PLAC1: variants seen among roughly 807,000 people sequenced by gnomAD.
PLAC1 encodes the protein placenta associated 1, also known as placenta-specific protein 1.
For missense variants in PLAC1, 136 were observed against 163.2 expected, an observed-to-expected ratio of 0.83 and a Z score of 0.91; for synonymous variants, 68 against 62.1, an observed-to-expected ratio of 1.09 and a Z score of -0.44.
At chrX:134,574,090 TCACA>T (rs368393395) in intron 2 of PLAC1, among the ~76,000 whole-genome samples, 26 of 104,297 alleles carry the variant, frequency 2.5e-4, no homozygotes, top group Middle Eastern at 4.8e-3. Flanking sequence ...TCTCTCTCTC[TCACA>T]CACACACACA....
chrX:134,672,314 G>A (rs1421397136), intron 2 of PLAC1, among the ~76,000 whole-genome samples: 1 of 111,059 alleles, frequency 9.0e-6, no homozygotes, highest in Non-Finnish European at 1.9e-5. Flanking sequence ...AACATCCTTT[G>A]TGGGGAATGC....
intron 1 of PLAC1, among the ~76,000 whole-genome samples, chrX:134,745,516 G>A (rs774144827): frequency 5.4e-5 from 6 of 111,849 alleles, no homozygotes; most frequent in South Asian, 3.8e-4. Flanking sequence ...CATCTTAAGC[G>A]TAGGAGATCT....
At chrX:134,672,011 C>A (rs142889628) in intron 2 of PLAC1, among the ~76,000 whole-genome samples, 1 of 111,334 alleles carries the variant, frequency 9.0e-6, no homozygotes, top group Non-Finnish European at 1.9e-5. Context: ...AATGGAAACC[C>A]CAGGAGGGCA....
chrX:134,697,865 C>A (rs1233875073), intron 2 of PLAC1, among the ~76,000 whole-genome samples: 2 of 110,908 alleles, frequency 1.8e-5, no homozygotes, highest in African/African-American at 6.6e-5. Context: ...GAGACTCTAT[C>A]TAAAAAAAGA....
intron 1 of PLAC1, among the ~76,000 whole-genome samples, chrX:134,648,143 G>A (rs1379515751): frequency 1.8e-5 from 2 of 110,753 alleles, no homozygotes; most frequent in African/African-American, 3.3e-5. Flanking sequence ...CTGGAGTCAT[G>A]TGTTGAAGAG....
intron 2 of PLAC1, among the ~76,000 whole-genome samples, chrX:134,591,340 A>C (rs1160526504): frequency 8.9e-6 from 1 of 112,420 alleles, no homozygotes; most frequent in African/African-American, 3.2e-5. Context: ...CACTGCTACA[A>C]AATTGAAATC....
intron 1 of PLAC1, among the ~76,000 whole-genome samples, chrX:134,757,626 T>G (rs2078760312): frequency 9.0e-6 from 1 of 111,717 alleles, no homozygotes; most frequent in Non-Finnish European, 1.9e-5. Flanking sequence ...AATTTGAATA[T>G]GGGCTATGAA....
intron 2 of PLAC1, among the ~76,000 whole-genome samples, chrX:134,590,216 T>TA (rs754519656): frequency 9.3e-5 from 10 of 107,174 alleles, no homozygotes; most frequent in African/African-American, 1.7e-4. Flanking sequence ...AATAAATAAA[T>TA]AATAAATAAA....
intron 1 of PLAC1, among the ~76,000 whole-genome samples, chrX:134,626,121 G>A (rs1199556909): frequency 9.0e-6 from 1 of 111,670 alleles, no homozygotes; most frequent in Non-Finnish European, 1.9e-5. Flanking sequence ...TTTCACACAC[G>A]TTCCCTTCAG....
chrX:134,730,398 A>G (rs2078685368), intron 2 of PLAC1, among the ~76,000 whole-genome samples: 1 of 111,452 alleles, frequency 9.0e-6, no homozygotes, highest in Non-Finnish European at 1.9e-5. Context: ...TTGTCTATTT[A>G]CCACAGAATT....
intron 2 of PLAC1, among the ~76,000 whole-genome samples, chrX:134,729,061 C>G (rs2078681530): frequency 1.8e-5 from 2 of 111,631 alleles, no homozygotes; most frequent in African/African-American, 6.5e-5. Context: ...GGAGGAAACT[C>G]AAAACATCCT....
At chrX:134,621,554 G>A (rs2078211255) in intron 1 of PLAC1, among the ~76,000 whole-genome samples, 1 of 110,524 alleles carries the variant, frequency 9.0e-6, no homozygotes, top group African/African-American at 3.3e-5. Context: ...GGGTGAGGCA[G>A]GCCTCTTGGA....
intron 2 of PLAC1, among the ~76,000 whole-genome samples, chrX:134,705,179 G>A (rs1602925089): frequency 1.9e-5 from 2 of 106,609 alleles, no homozygotes; most frequent in East Asian, 2.9e-4. Context: ...CCAGCACTTT[G>A]GGAGGCCGAG....
intron 2 of PLAC1, among the ~76,000 whole-genome samples, chrX:134,585,260 C>T (rs1474622067): frequency 1.9e-5 from 2 of 106,919 alleles, no homozygotes; most frequent in South Asian, 4.2e-4. Flanking sequence ...GCAGGAGAAT[C>T]GCTTGAACCC....
intron 1 of PLAC1, among the ~76,000 whole-genome samples, chrX:134,759,156 C>CT (rs937431701): frequency 4.0e-3 from 416 of 103,326 alleles, no homozygotes; most frequent in African/African-American, 8.7e-3. Flanking sequence ...AAAAGGAACT[C>CT]TTTTTTTTTT....
Position 134,761,288 on chromosome X carries a change from A to G in PLAC1, n.89+2946T>C, listed in dbSNP as rs181404978. Among the ~76,000 whole-genome samples, 9 of 112,037 alleles carry G rather than the reference A, an allele frequency of 8.0e-5. No individual in the cohort carries two copies. The East Asian group carries it at 2.5e-3, about 31-fold the overall frequency. ...ATTGCTCTGGGGGAAAGGAGCTATG[A>G]CAGCTAGGGGATGAAAGTGGGAGGC... On this transcript the variant is annotated intron_variant and non_coding_transcript_variant, in intron 1 of 2. Transcript: ENST00000466797.
intron 1 of PLAC1, among the ~76,000 whole-genome samples, chrX:134,638,695 C>G (rs1208888949): frequency 9.0e-6 from 1 of 110,568 alleles, no homozygotes; most frequent in East Asian, 2.8e-4. Context: ...TTCTTTGGTC[C>G]TGCTCTTACT....
At chrX:134,639,992 G>A (rs2078300837) in intron 1 of PLAC1, among the ~76,000 whole-genome samples, 2 of 111,675 alleles carry the variant, frequency 1.8e-5, no homozygotes, top group Non-Finnish European at 3.8e-5. Context: ...GGATGCTTGG[G>A]TTGTTTTCAC....
intron 1 of PLAC1, among the ~76,000 whole-genome samples, chrX:134,757,476 A>G (rs1390690828): frequency 8.9e-6 from 1 of 112,532 alleles, no homozygotes. Flanking sequence ...AAAGATGAAA[A>G]AAGTGGGAAA....
Sources: allele counts gnomAD v4.1 joint callset (sites outside exome capture counted in the v4.1 genomes callset), GRCh38; gene constraint gnomAD v4.1.1; transcripts MANE v1.5; gene names NCBI Gene and HGNC (gene_info 2026-07-23, HGNC 2026-07-21).